The following MRRF variants were observed in gnomAD, a reference collection of about 807,000 sequenced individuals.
MRRF encodes mitochondrial ribosome recycling factor, also known as ribosome-recycling factor, mitochondrial.
MRRF carries 18 observed loss-of-function variants against 25.1 expected under a neutral mutation model. The ratio of observed to expected loss-of-function variants is 0.72; its 90% CI spans 0.50 to 1.06. The LOEUF (loss-of-function observed/expected upper bound fraction) is 1.06. MRRF is among the 50% of genes least tolerant of loss of function. MRRF has a pLI of 0.00. For synonymous variants in MRRF, 113 were observed against 112.1 expected, an observed-to-expected ratio of 1.01 and a Z score of -0.05; for missense variants, 323 against 319.3, an observed-to-expected ratio of 1.01 and a Z score of -0.09.
At chr9:122,312,700 CA>C (rs1329446964) in intron 5 of MRRF, among the ~76,000 whole-genome samples, 1 of 152,198 alleles carries the variant, frequency 6.6e-6, no homozygotes, top group African/African-American at 2.4e-5. Flanking sequence ...CTTTGGGCCT[CA>C]TTTTCTTCAT....
rs1025574553 is a variant in MRRF at position 122,286,684 on chromosome 9, G to A, written c.459+1397G>A. On this transcript the variant is annotated intron_variant, in intron 4 of 6. Transcript: ENST00000344641. ...GCTATGATCATGCCACTGCACTGCA[G>A]CCTGGGTGACAGAGCAAGACCTTGT... 5.3e-5 allele frequency among the ~76,000 whole-genome samples: 8 copies of A among 152,286 alleles called. No homozygotes were observed. In the East Asian group the frequency reaches 1.4e-3, roughly 26 times the overall value.
In MRRF at chr9:122,304,062, A is replaced by AACACACACACACACACACACAC. The variant is rs66775611; in HGVS notation, c.552-9148_552-9127dup. Reference sequence around the variant, plus strand: ...GGAAATACTGGTAATACCCTTTTCTAACACACACACACACACACACACACA... The same window carrying AACACACACACACACACACACAC: ...GGAAATACTGGTAATACCCTTTTCTAACACACACACACACACACACACACACACACACACACACACACACACA... On this transcript the variant is annotated intron_variant, in intron 5 of 6. Transcript: ENST00000344641. Among the ~76,000 whole-genome samples the AACACACACACACACACACACAC allele has an allele frequency of 9.2e-4, 129 of 139,874 alleles. 1 individual carries two copies. The highest frequency in any genetic ancestry group is 3.3e-3 in the African/African-American group (125 of 37,358). The allele number at this position is 139,874 out of a possible 152,430, so 91.8% of individuals were successfully genotyped here.
intron 5 of MRRF, among the ~76,000 whole-genome samples, 171 bp downstream of exon 5, chr9:122,292,011 C>T (rs12344467): frequency 2.0e-5 from 3 of 152,212 alleles, no homozygotes; most frequent in Admixed American, 6.5e-5. Context: ...ACTTATTGAG[C>T]GCCTGTTATG....
At chr9:122,306,236 A>G (rs1007095547) in intron 5 of MRRF, among the ~76,000 whole-genome samples, 10 of 152,220 alleles carry the variant, frequency 6.6e-5, no homozygotes, top group Admixed American at 6.5e-5. Flanking sequence ...TCATTTGCTC[A>G]TAACACTGTG....
At chr9:122,277,241 G>A (rs1371017721) in intron 2 of MRRF, among the ~76,000 whole-genome samples, 2 of 152,136 alleles carry the variant, frequency 1.3e-5, no homozygotes, top group East Asian at 1.9e-4. Context: ...TCTTTCTGGT[G>A]AATTGTTTCT....
At chr9:122,279,106 C>T (rs1256537685) in intron 2 of MRRF, among the ~76,000 whole-genome samples, 1 of 152,148 alleles carries the variant, frequency 6.6e-6, no homozygotes. Context: ...CTCCTGACCT[C>T]GTGATCTGCC....
chr9:122,298,920 G>A (rs1419231220), intron 5 of MRRF, among the ~76,000 whole-genome samples: 1 of 152,150 alleles, frequency 6.6e-6, no homozygotes, highest in African/African-American at 2.4e-5. Context: ...GAAGTATTCA[G>A]AGGAAGGTGA....
At position 122,270,855 on chromosome 9, in the gene MRRF, T is replaced by C. The variant is rs763592533; in HGVS notation, c.-28-9T>C. On this transcript the variant is annotated splice_polypyrimidine_tract_variant and intron_variant, in intron 1 of 6. Transcript: ENST00000344641. ...TACTTAGATCTGCTTTTTGTCTTATTCTTTTTAGTGGATGTTTCCAAGGAT... is the reference window on the plus strand; with the variant it reads ...TACTTAGATCTGCTTTTTGTCTTATCCTTTTTAGTGGATGTTTCCAAGGAT... 3.1e-6 allele frequency: 5 copies of C among 1,610,228 alleles called. No homozygotes were observed. The highest frequency in any genetic ancestry group is 4.2e-6 in the Non-Finnish European group (5 of 1,176,570).
rs533836522 is a variant in MRRF, at chr9:122,323,264, G to A, written c.*647G>A. The A allele has an allele frequency of 6.4e-6, 1 of 156,912 alleles. No homozygotes were observed. The highest frequency in any genetic ancestry group is 2.4e-5 in the African/African-American group (1 of 41,564). 9.7% of individuals were successfully genotyped at this position (156,912 alleles called of 1,614,324 possible). A position where few individuals can be genotyped will look rare whatever the true frequency, so the allele number is the denominator to read the frequency against. ...CCTTGTCTTGGATATCACGTCCTCTGGGAAGTCTTCTTTTCCCCTCTAACC... is the reference window on the plus strand; with the variant it reads ...CCTTGTCTTGGATATCACGTCCTCTAGGAAGTCTTCTTTTCCCCTCTAACC... On this transcript the variant is annotated 3_prime_UTR_variant, in exon 7 of 7. Transcript: ENST00000344641.
At position 122,322,574 on chromosome 9, in the gene MRRF, T is replaced by C; in HGVS notation, c.746T>C (p.Leu249Pro). Residue 249 changes from leucine to proline, a missense_variant, in exon 7 of 7, where the codon CTG becomes CCG. By Grantham distance (98) the Leu-to-Pro change is moderately conservative. Transcript: ENST00000344641. ...SQMADDTVAE[L>P]DRHLAVKTKE... The stretch of plus-strand genomic sequence containing the variant: ...ATGGCCGATGACACAGTGGCAGAAC[T>C]GGACAGGCATCTGGCAGTGAAGACC... 1 of 1,614,194 alleles carries C rather than the reference T, an allele frequency of 6.2e-7. No individual in the cohort carries two copies. The highest frequency in any genetic ancestry group is 8.5e-7 in the Non-Finnish European group (1 of 1,180,032).
At position 122,325,732 on chromosome 9, in the gene MRRF, C is replaced by A; in HGVS notation, c.*3115C>A. ...GAATGCAGAAAGTTAAAAAAAAAAT[C>A]TCACCAGGCCCTACTCCTTTAAAAT... On this transcript the variant is annotated 3_prime_UTR_variant, in exon 7 of 7. Transcript: ENST00000344641. 1 of 148,008 alleles carries A rather than the reference C, an allele frequency of 6.8e-6. No individual in the cohort carries two copies. Among genetic ancestry groups the A allele is most frequent in the Non-Finnish European group, 1.5e-5 (1 of 67,644 alleles). 9.2% of individuals were successfully genotyped at this position (148,008 alleles called of 1,614,324 possible).
intron 5 of MRRF, among the ~76,000 whole-genome samples, chr9:122,301,535 T>C (rs1449097948): frequency 6.6e-6 from 1 of 152,138 alleles, no homozygotes; most frequent in Non-Finnish European, 1.5e-5. Context: ...TGAAGATTTG[T>C]TGGGAGAAGC....
In MRRF at chr9:122,291,770, G is replaced by C; in HGVS notation, c.481G>C (p.Ala161Pro). The C allele has an allele frequency of 6.2e-7, 1 of 1,613,312 alleles. No homozygotes were observed. Among genetic ancestry groups the C allele is most frequent in the Non-Finnish European group, 8.5e-7 (1 of 1,179,226 alleles). ...FPECTAAAIK[A>P]IRESGMNLNP... ...TCAGTGTACAGCTGCAGCTATCAAG[G>C]CTATAAGAGAAAGTGGAATGAATCT... The change falls in exon 5 of 7, where the codon GCT (alanine) becomes CCT (proline). Residue 161 changes from alanine to proline, a missense_variant. Physicochemically the swap from Ala to Pro is conservative, Grantham distance 27. Coordinates refer to ENST00000344641, the MANE Select transcript of MRRF (RefSeq NM_138777.5).
At chr9:122,314,978 C>G in intron 6 of MRRF, among the ~76,000 whole-genome samples, 1 of 152,004 alleles carries the variant, frequency 6.6e-6, no homozygotes, top group East Asian at 1.9e-4. Flanking sequence ...AGCAAGGGAC[C>G]CCTGGAGAAG....
intron 3 of MRRF, 131 bp from the exon 4 acceptor site, chr9:122,285,038 A>G: frequency 1.4e-6 from 1 of 706,746 alleles, no homozygotes; most frequent in South Asian, 1.5e-5. Flanking sequence ...CATTCCTCCC[A>G]CTTCACTCCC....
At chr9:122,265,838 G>C (rs1832041333) in intron 1 of MRRF, 1 of 1,027,430 alleles carries the variant, frequency 9.7e-7, no homozygotes, top group Non-Finnish European at 1.3e-6. Context: ...TTCTCTACCT[G>C]TTAAAGTGTC....
chr9:122,304,099 A>ACACACACACACACACACACACC (rs1397120349), intron 5 of MRRF, among the ~76,000 whole-genome samples: 1 of 147,344 alleles, frequency 6.8e-6, no homozygotes, highest in African/African-American at 2.5e-5. Context: ...ACACACACAC[A>ACACACACACACACACACACACC]CCCTTTAGGG....
chr9:122,299,262 G>A (rs1834285248), intron 5 of MRRF, among the ~76,000 whole-genome samples: 1 of 151,652 alleles, frequency 6.6e-6, no homozygotes, highest in Admixed American at 6.6e-5. Flanking sequence ...GCATGTGCCT[G>A]TAATCCCAGC....
intron 2 of MRRF, 61 bp from the exon 3 acceptor site, chr9:122,280,382 A>G: frequency 6.4e-7 from 1 of 1,573,836 alleles, no homozygotes; most frequent in Non-Finnish European, 8.7e-7. Context: ...CTTCTTCACC[A>G]ATTGCTTATT....
Sources: gnomAD v4.1 joint callset for allele counts (sites outside exome capture counted in the v4.1 genomes callset) on GRCh38, gnomAD v4.1.1 for gene constraint, MANE v1.5 for transcripts, NCBI Gene and HGNC (gene_info 2026-07-23, HGNC 2026-07-21) for gene names.